Variants in NAV2 observed in about 807,000 individuals in gnomAD.
NAV2 encodes the protein neuron navigator 2.
Under a neutral mutation model 223.2 loss-of-function variants are expected in NAV2, and 54 were observed. The observed-to-expected ratio is 0.24, with a 90% CI of 0.19 to 0.30. NAV2 has a LOEUF of 0.30. NAV2 is among the 10% of genes least tolerant of loss of function. The pLI is 1.00. For synonymous variants in NAV2, 1,279 were observed against 1,239.3 expected, an observed-to-expected ratio of 1.03 and a Z score of -0.67; for missense variants, 2,806 against 3,147.5, an observed-to-expected ratio of 0.89 and a Z score of 2.60.
intron 7 of NAV2, among the ~76,000 whole-genome samples, chr11:19,937,355 C>CG (rs1006140003): frequency 4.7e-5 from 7 of 150,038 alleles, no homozygotes; most frequent in Middle Eastern, 3.4e-3. Context: ...AATTGCTCCC[C>CG]CCCCGCCCAC....
chr11:19,532,563 T>G (rs2044058242), intron 1 of NAV2, among the ~76,000 whole-genome samples: 1 of 152,168 alleles, frequency 6.6e-6, no homozygotes, highest in Non-Finnish European at 1.5e-5. Context: ...TAATCACTAA[T>G]CATCATAAAC....
chr11:20,115,662 G>A (rs1397309576), intron 37 of NAV2, among the ~76,000 whole-genome samples: 1 of 126,708 alleles, frequency 7.9e-6, no homozygotes, highest in African/African-American at 2.8e-5. Flanking sequence ...AAAAGCACCC[G>A]GGCTGGGTGT....
chr11:19,932,689 G>A lies in NAV2; in HGVS notation c.932-487G>A, dbSNP rs1345441803. On this transcript the variant is annotated intron_variant, in intron 6 of 37. Transcript: ENST00000349880. ...TTTAATAGGCTTTAACAACTTTTGT[G>A]TGTAATTATTCTTTTTTAAAGATTC... 3.3e-5 allele frequency among the ~76,000 whole-genome samples: 5 copies of A among 152,192 alleles called. 1 individual carries two copies. The highest frequency in any genetic ancestry group is 1.9e-4 in the East Asian group (1 of 5,206).
At chr11:20,108,269 G>A (rs1256895821) in intron 36 of NAV2, among the ~76,000 whole-genome samples, 1 of 152,072 alleles carries the variant, frequency 6.6e-6, no homozygotes, top group Non-Finnish European at 1.5e-5. Flanking sequence ...GGTTATAAAA[G>A]GGAAGCTTGA....
In NAV2 at chr11:20,103,436, C is replaced by T. The variant is rs561823183; in HGVS notation, c.6572+27C>T. On this transcript the variant is annotated intron_variant, in intron 33 of 37. Coordinates refer to ENST00000349880, the MANE Select transcript of NAV2 (RefSeq NM_145117.5). ...TAAAGGCTGGTTCTGGACCTCATAG[C>T]CCCCCGGGAGAGAGTGCTGCCAGCT... is the stretch of plus-strand genomic sequence containing the variant. 37 of 1,605,228 alleles carry T rather than the reference C, an allele frequency of 2.3e-5. No individual in the cohort carries two copies. In the East Asian group the frequency reaches 4.2e-4, roughly 18 times the overall value.
chr11:19,971,726 G>A (rs1565671906), intron 10 of NAV2, among the ~76,000 whole-genome samples: 1 of 152,108 alleles, frequency 6.6e-6, no homozygotes, highest in Non-Finnish European at 1.5e-5. Flanking sequence ...TCTGTTTTGA[G>A]ACAGTCTTGC....
At chr11:19,351,061 A>G in intron 1 of NAV2, 4 of 1,389,890 alleles carry the variant, frequency 2.9e-6, no homozygotes, top group Non-Finnish European at 3.8e-6. Flanking sequence ...TGATTGGATT[A>G]TGGTGCTGAT....
At chr11:19,672,302 T>G (rs1289658604) in intron 1 of NAV2, among the ~76,000 whole-genome samples, 1 of 152,206 alleles carries the variant, frequency 6.6e-6, no homozygotes, top group East Asian at 1.9e-4. Flanking sequence ...TTTCTCCATT[T>G]TTTTATTCTT....
At chr11:19,554,756 C>A (rs537358857) in intron 1 of NAV2, among the ~76,000 whole-genome samples, 1 of 152,014 alleles carries the variant, frequency 6.6e-6, no homozygotes, top group African/African-American at 2.4e-5. Context: ...CACCTGAGGT[C>A]GGGAGTTCGA....
At chr11:19,589,838 G>A (rs1481740892) in intron 1 of NAV2, among the ~76,000 whole-genome samples, 1 of 152,218 alleles carries the variant, frequency 6.6e-6, no homozygotes, top group African/African-American at 2.4e-5. Flanking sequence ...GTTCCAGAAG[G>A]CACACTGTAG....
At position 19,909,114 on chromosome 11, in the gene NAV2, A is replaced by G. The variant is rs140720177; in HGVS notation, c.931+16520A>G. ...TCTAGCTCTTCTACCCCAAAATATT[A>G]GTGGTTAAATGTCTCCCCTTTCTTG... On this transcript the variant is annotated intron_variant, in intron 6 of 37. Coordinates refer to ENST00000349880, the MANE Select transcript of NAV2 (RefSeq NM_145117.5). Among the ~76,000 whole-genome samples, 51 of 152,324 alleles carry G rather than the reference A, an allele frequency of 3.3e-4. 1 individual carries two copies. Among genetic ancestry groups the G allele is most frequent in the African/African-American group, 1.1e-3 (46 of 41,576 alleles).
rs374568570 is a variant in NAV2, at chr11:20,014,361, T to A, written c.2769-21598T>A. ...AGAGATAACAGTGCAGCTGCAAAAA[T>A]AAACATTTGAACTCTCTCTGTGCCC... On this transcript the variant is annotated intron_variant, in intron 11 of 37. Transcript: ENST00000349880. Among the ~76,000 whole-genome samples, 111 of 152,272 alleles carry A rather than the reference T, an allele frequency of 7.3e-4. 3 individuals carry two copies. The East Asian group carries it at 0.015, about 21-fold the overall frequency.
intron 1 of NAV2, among the ~76,000 whole-genome samples, chr11:19,467,008 C>G (rs1265007022): frequency 7.5e-6 from 1 of 133,208 alleles, no homozygotes; most frequent in African/African-American, 2.8e-5. Flanking sequence ...CACACACACA[C>G]ACACACACAC....
chr11:19,513,912 G>C (rs2043357281), intron 1 of NAV2, among the ~76,000 whole-genome samples: 1 of 152,148 alleles, frequency 6.6e-6, no homozygotes. Context: ...CCAGAAGCTA[G>C]GAAGATGCAA....
chr11:19,694,551 G>A (rs534251511), intron 1 of NAV2, among the ~76,000 whole-genome samples: 107 of 152,280 alleles, frequency 7.0e-4, no homozygotes, highest in Non-Finnish European at 1.1e-3. Flanking sequence ...ACTGAGACTC[G>A]GAAGGATGAA....
At position 19,730,212 on chromosome 11, in the gene NAV2, G is replaced by A. The variant is rs1050580674; in HGVS notation, c.267+16250G>A. On this transcript the variant is annotated intron_variant, in intron 1 of 37. Coordinates refer to ENST00000349880, the MANE Select transcript of NAV2 (RefSeq NM_145117.5). The stretch of plus-strand genomic sequence containing the variant: ...AAGCCCAGTTCCCCTCGGCAGGGTC[G>A]GGGGTTCAGTGTGGGCAGAGTGCCC... 5.3e-5 allele frequency among the ~76,000 whole-genome samples: 8 copies of A among 152,272 alleles called. No homozygotes were observed. In the East Asian group the frequency reaches 5.8e-4, roughly 11 times the overall value.
rs143194946 is a variant in NAV2 at position 19,453,150 on chromosome 11, A to G, written c.75+102123A>G. Among the ~76,000 whole-genome samples the G allele has an allele frequency of 2.9e-3, 436 of 152,322 alleles. 3 individuals carry two copies. The highest frequency in any genetic ancestry group is 9.8e-3 in the African/African-American group (408 of 41,572). ...TGACATTGCTCATATTCAACTGTCC[A>G]CTGCTCTGAGTTCCCCTCTCAATTT... On this transcript the variant is annotated intron_variant, in intron 1 of 37. Coordinates refer to the NAV2 transcript ENST00000360655.
chr11:19,421,309 A>G (rs1403925031), intron 1 of NAV2, among the ~76,000 whole-genome samples: 2 of 152,182 alleles, frequency 1.3e-5, no homozygotes, highest in African/African-American at 4.8e-5. Flanking sequence ...CCCAGCATCC[A>G]TCACAGAGGA....
At chr11:20,116,665 C>G (rs1174031079) in intron 37 of NAV2, among the ~76,000 whole-genome samples, 1 of 152,168 alleles carries the variant, frequency 6.6e-6, no homozygotes, top group African/African-American at 2.4e-5. Context: ...AGGTAAGACC[C>G]AGGATTCTTG....
Sources: allele counts gnomAD v4.1 joint callset (sites outside exome capture counted in the v4.1 genomes callset), GRCh38; gene constraint gnomAD v4.1.1; transcripts MANE v1.5; gene names NCBI Gene and HGNC (gene_info 2026-07-23, HGNC 2026-07-21).